AP4E1: variants seen among roughly 807,000 people sequenced by gnomAD.
AP4E1 encodes AP-4 complex subunit epsilon-1.
AP4E1 carries 56 observed loss-of-function variants against 128.2 expected under a neutral mutation model. The ratio of observed to expected loss-of-function variants is 0.44; its 90% confidence interval spans 0.35 to 0.55. The LOEUF is 0.55. Ranked by LOEUF, AP4E1 falls within the 20% of genes least tolerant of loss-of-function variation. AP4E1 has a pLI of 0.00. For missense variants in AP4E1, 1,324 were observed against 1,307.7 expected (o/e 1.01, Z -0.19); for synonymous variants, 484 against 473.1 (o/e 1.02, Z -0.30).
rs1316773220 is a variant in AP4E1, at chr15:50,949,900, C to T, written c.1391C>T (p.Pro464Leu). Residue 464 changes from proline to leucine, a missense_variant, in exon 12 of 21, where the codon CCT (proline) becomes CTT (leucine). Pro to Leu is a moderately conservative substitution (Grantham distance 98). Coordinates refer to ENST00000261842, the MANE Select transcript of AP4E1 (RefSeq NM_007347.5). ...VFSVGGDVMH[P>L]DIPNNFLRLL... ...TCAGTAGGAGGAGATGTAATGCATC[C>T]TGATATTCCCAATAACTTTCTGAGA... 6 of 1,613,586 alleles carry T rather than the reference C, an allele frequency of 3.7e-6. No homozygotes were observed. The African/African-American group carries it at 8.0e-5, about 22-fold the overall frequency.
intron 3 of AP4E1, chr15:50,918,228 T>G (rs957269560): frequency 1.3e-5 from 2 of 152,228 alleles, no homozygotes; most frequent in Non-Finnish European, 2.9e-5. Flanking sequence ...TCTCAGACTT[T>G]GAAGAGGAGA....
At chr15:50,989,741 G>A (rs139018651) in intron 16 of AP4E1, among the ~76,000 whole-genome samples, 55 of 152,224 alleles carry the variant, frequency 3.6e-4, no homozygotes, top group African/African-American at 1.3e-3. Context: ...ACTAGGATCT[G>A]GGGGGTGTGA....
chr15:50,908,907 C>T lies in AP4E1; in HGVS notation c.129C>T (p.Ile43=), dbSNP rs762870498. The T allele has an allele frequency of 1.2e-5, 20 of 1,610,974 alleles. No individual in the cohort carries two copies. Among genetic ancestry groups the T allele is most frequent in the Non-Finnish European group, 1.7e-5 (20 of 1,179,466 alleles). Residue 43 remains isoleucine (I), a synonymous_variant, in exon 1 of 21, where the codon ATC becomes ATT. Transcript: ENST00000261842. ...GGCTGGGCAGCCTTGTCCGCGGCAT[C>T]ACAGCCCTCACCTCCAAGCACGTAG... ...SSRLGSLVRG[I]TALTSKHEEE...
intron 16 of AP4E1, 118 bp from the exon 17 acceptor site, chr15:50,993,252 T>TA: frequency 9.5e-7 from 1 of 1,047,440 alleles, no homozygotes; most frequent in Non-Finnish European, 1.4e-6. Flanking sequence ...ATATAGAATA[T>TA]AATGTGACAG....
At chr15:50,963,962 T>C (rs2064353367) in intron 14 of AP4E1, among the ~76,000 whole-genome samples, 2 of 152,236 alleles carry the variant, frequency 1.3e-5, no homozygotes. Context: ...GAATCAGTAC[T>C]GGATTACAGG....
chr15:50,937,448 C>G (rs1392053648), intron 8 of AP4E1, among the ~76,000 whole-genome samples: 2 of 151,994 alleles, frequency 1.3e-5, no homozygotes, highest in African/African-American at 4.8e-5. Flanking sequence ...CTGCTATGTG[C>G]CAGGCATTGT....
intron 13 of AP4E1, among the ~76,000 whole-genome samples, chr15:50,957,850 T>A (rs1268021735): frequency 1.3e-5 from 2 of 151,904 alleles, no homozygotes; most frequent in South Asian, 2.1e-4. Flanking sequence ...CTAATTTTTT[T>A]ATTTTTATTA....
intron 10 of AP4E1, chr15:50,944,626 A>C: frequency 3.3e-6 from 1 of 299,772 alleles, no homozygotes; most frequent in Non-Finnish European, 6.1e-6. Context: ...CTCACAGCAA[A>C]GAGCTCGTGG....
At chr15:50,990,324 AT>A (rs1383532191) in intron 16 of AP4E1, among the ~76,000 whole-genome samples, 2 of 138,768 alleles carry the variant, frequency 1.4e-5, no homozygotes, top group African/African-American at 2.6e-5. Flanking sequence ...GTATTTTCCC[AT>A]TTTTTATTAT....
chr15:50,956,714 G>A (rs1358775159), intron 13 of AP4E1, among the ~76,000 whole-genome samples: 4 of 152,152 alleles, frequency 2.6e-5, no homozygotes, highest in African/African-American at 9.7e-5. Flanking sequence ...ATTTCCACCT[G>A]GTCCTGCCCT....
At chr15:50,976,813 A>T (rs1043492801) in intron 15 of AP4E1, among the ~76,000 whole-genome samples, 6 of 152,214 alleles carry the variant, frequency 3.9e-5, no homozygotes, top group African/African-American at 1.4e-4. Context: ...AATAAACTGA[A>T]GCAAGTGAGA....
intron 15 of AP4E1, among the ~76,000 whole-genome samples, chr15:50,972,155 T>A (rs1221071659): frequency 4.6e-5 from 7 of 152,140 alleles, no homozygotes; most frequent in Admixed American, 3.9e-4. Context: ...TTCAGTAGGG[T>A]ACTAAGGCCT....
chr15:50,908,344 C>T (rs963530139), upstream of AP4E1, among the ~76,000 whole-genome samples: 2 of 152,104 alleles, frequency 1.3e-5, no homozygotes, highest in Non-Finnish European at 2.9e-5. Flanking sequence ...AGGCGGCGGA[C>T]GGCGCGGGGA....
Position 50,934,759 on chromosome 15 carries a change from A to G in AP4E1, c.943+62A>G, listed in dbSNP as rs1009714467. The G allele has an allele frequency of 1.3e-5, 14 of 1,098,286 alleles. No individual in the cohort carries two copies. In the African/African-American group the frequency reaches 2.0e-4, roughly 16 times the overall value. 68.0% of individuals were successfully genotyped at this position (1,098,286 alleles called of 1,614,324 possible). A position where few individuals can be genotyped will look rare whatever the true frequency, so the allele number is the denominator to read the frequency against. On this transcript the variant is annotated intron_variant, in intron 8 of 20. Transcript: ENST00000261842. ...TAATGTTTTTTAGTATTGCAGTTAA[A>G]TCTGTGTTAGAATGCTATAAATTCC...
chr15:50,964,420 T>G (rs1357006386), intron 14 of AP4E1, among the ~76,000 whole-genome samples: 1 of 152,214 alleles, frequency 6.6e-6, no homozygotes, highest in African/African-American at 2.4e-5. Context: ...CTCTTGTATC[T>G]TTTGAGTTTC....
intron 9 of AP4E1, 21 bp from the exon 10 acceptor site, chr15:50,941,645 A>G (rs1258455435): frequency 5.6e-6 from 9 of 1,612,172 alleles, no homozygotes; most frequent in Admixed American, 5.0e-5. Context: ...TTCACTTTGT[A>G]TAATGTGTCT....
At chr15:50,925,931 G>C (rs2063764786) in intron 5 of AP4E1, among the ~76,000 whole-genome samples, 1 of 151,012 alleles carries the variant, frequency 6.6e-6, no homozygotes, top group Non-Finnish European at 1.5e-5. Flanking sequence ...GGCCCGGGAA[G>C]ATGCTTTTTA....
intron 11 of AP4E1, among the ~76,000 whole-genome samples, chr15:50,949,426 AAAG>A (rs2064114056): frequency 6.6e-6 from 1 of 151,900 alleles, no homozygotes; most frequent in Non-Finnish European, 1.5e-5. Context: ...AAAAAAAAAA[AAAG>A]GAAAAAAAGA....
At chr15:50,964,937 G>T in intron 14 of AP4E1, among the ~76,000 whole-genome samples, 1 of 107,632 alleles carries the variant, frequency 9.3e-6, no homozygotes. Flanking sequence ...TTATTGTAAA[G>T]TATAACACCT....
Sources: allele counts gnomAD v4.1 joint callset (sites outside exome capture counted in the v4.1 genomes callset), GRCh38; gene constraint gnomAD v4.1.1; transcripts MANE v1.5; gene names NCBI Gene and HGNC (gene_info 2026-07-23, HGNC 2026-07-21).